The following MCTP1 variants were observed in gnomAD, a reference collection of about 807,000 sequenced individuals.
MCTP1 encodes multiple C2 and transmembrane domain containing 1.
Under a neutral mutation model 120.6 loss-of-function variants are expected in MCTP1, and 69 were observed. The observed-to-expected ratio is 0.57, with a 90% CI of 0.47 to 0.70. The LOEUF (loss-of-function observed/expected upper bound fraction) is 0.70. Ranked by LOEUF, MCTP1 falls within the 30% of genes least tolerant of loss-of-function variation. MCTP1 has a pLI of 0.00. For missense variants in MCTP1, 1,203 were observed against 1,248.8 expected, an observed-to-expected ratio of 0.96 and a Z score of 0.55; for synonymous variants, 529 against 493.1, an observed-to-expected ratio of 1.07 and a Z score of -0.96.
At chr5:94,895,769 T>C (rs1477245284) in intron 10 of MCTP1, among the ~76,000 whole-genome samples, 1 of 152,194 alleles carries the variant, frequency 6.6e-6, no homozygotes, top group Non-Finnish European at 1.5e-5. Context: ...AGTTCAAACA[T>C]CTCTTTAGCA....
At chr5:95,107,434 A>G (rs914694001) in intron 1 of MCTP1, among the ~76,000 whole-genome samples, 6 of 152,268 alleles carry the variant, frequency 3.9e-5, no homozygotes, top group African/African-American at 1.4e-4. Context: ...ATTATTCACC[A>G]TTTATAAATA....
chr5:94,998,828 A>C (rs1833102064), intron 2 of MCTP1, among the ~76,000 whole-genome samples: 1 of 152,210 alleles, frequency 6.6e-6, no homozygotes, highest in Non-Finnish European at 1.5e-5. Context: ...TCACTGAGTG[A>C]GTGCTTGACT....
At chr5:94,838,606 C>T (rs1250765586) in intron 17 of MCTP1, among the ~76,000 whole-genome samples, 1 of 152,160 alleles carries the variant, frequency 6.6e-6, no homozygotes, top group East Asian at 1.9e-4. Context: ...TCAGTACATA[C>T]CTTAAGTCTT....
chr5:94,782,853 A>G (rs1035741976), intron 18 of MCTP1, among the ~76,000 whole-genome samples: 3 of 152,176 alleles, frequency 2.0e-5, no homozygotes, highest in Non-Finnish European at 2.9e-5. Flanking sequence ...ACGAAAAATC[A>G]TGTAGTAGAA....
chr5:94,777,927 C>CGTGTGTGTGTGTGT (rs71615135), intron 19 of MCTP1, among the ~76,000 whole-genome samples: 2,211 of 148,916 alleles, frequency 0.015, 18 homozygotes, highest in African/African-American at 0.02. Context: ...AGAAAGTGTG[C>CGTGTGTGTGTGTGT]GTGTGTGTGT....
At chr5:95,082,181 T>G (rs1755023259) in intron 1 of MCTP1, among the ~76,000 whole-genome samples, 1 of 152,220 alleles carries the variant, frequency 6.6e-6, no homozygotes, top group Non-Finnish European at 1.5e-5. Context: ...ACAGAAATCC[T>G]TTCCTACGCT....
At chr5:94,715,363 C>CAAAAA (rs35567390) in intron 19 of MCTP1, among the ~76,000 whole-genome samples, 56 of 70,536 alleles carry the variant, frequency 7.9e-4, no homozygotes, top group African/African-American at 2.8e-3. Context: ...ATGAAAACTA[C>CAAAAA]AAAAAAAAAA....
intron 10 of MCTP1, 32 bp from the exon 11 acceptor site, chr5:94,894,867 CTTT>C (rs34628738): frequency 2.0e-3 from 2,000 of 985,938 alleles, no homozygotes; most frequent in South Asian, 5.4e-3. Context: ...CAGCAAGTGG[CTTT>C]TTTTTTTTTT....
intron 18 of MCTP1, 77 bp from the exon 19 acceptor site, chr5:94,779,240 A>G (rs1776086344): frequency 8.3e-7 from 1 of 1,210,540 alleles, no homozygotes; most frequent in South Asian, 1.2e-5. Flanking sequence ...ACCTTTTGGA[A>G]ATGAAAACTT....
intron 1 of MCTP1, among the ~76,000 whole-genome samples, chr5:95,108,443 C>T (rs115444433): frequency 6.6e-6 from 1 of 152,118 alleles, no homozygotes; most frequent in African/African-American, 2.4e-5. Flanking sequence ...TAATAACCAG[C>T]TTAATGTGTT....
At chr5:95,144,202 G>C (rs949650393) in intron 1 of MCTP1, among the ~76,000 whole-genome samples, 1 of 152,118 alleles carries the variant, frequency 6.6e-6, no homozygotes, top group Non-Finnish European at 1.5e-5. Context: ...CCGCTTGTAT[G>C]TCTTCTTTTG....
intron 17 of MCTP1, among the ~76,000 whole-genome samples, chr5:94,825,006 T>A (rs1053057480): frequency 6.6e-6 from 1 of 152,182 alleles, no homozygotes; most frequent in Non-Finnish European, 1.5e-5. Context: ...ATACACTGAT[T>A]GTTTTGAAGG....
intron 1 of MCTP1, among the ~76,000 whole-genome samples, chr5:95,072,195 A>G (rs1359815569): frequency 6.6e-6 from 1 of 151,994 alleles, no homozygotes; most frequent in African/African-American, 2.4e-5. Flanking sequence ...CCTCCTATCC[A>G]GAGAGTTTGA....
intron 19 of MCTP1, among the ~76,000 whole-genome samples, chr5:94,777,927 C>CATGTGTGTGT (rs1554095231): frequency 3.5e-4 from 52 of 148,962 alleles, no homozygotes; most frequent in African/African-American, 1.0e-3. Flanking sequence ...AGAAAGTGTG[C>CATGTGTGTGT]GTGTGTGTGT....
At chr5:95,156,816 A>G (rs983469962) in intron 1 of MCTP1, among the ~76,000 whole-genome samples, 10 of 152,238 alleles carry the variant, frequency 6.6e-5, no homozygotes, top group Non-Finnish European at 1.5e-5. Context: ...CTGATCAACT[A>G]AAGTCACAAA....
intron 19 of MCTP1, among the ~76,000 whole-genome samples, chr5:94,731,928 T>C (rs545707410): frequency 2.3e-4 from 35 of 152,334 alleles, no homozygotes; most frequent in African/African-American, 8.4e-4. Flanking sequence ...CATTTATTTA[T>C]TCTTTTACCT....
At chr5:95,190,981 A>G (rs1749765796) in intron 1 of MCTP1, among the ~76,000 whole-genome samples, 1 of 151,978 alleles carries the variant, frequency 6.6e-6, no homozygotes, top group African/African-American at 2.4e-5. Flanking sequence ...AGTCAGTCAA[A>G]CACAAAGAAA....
chr5:95,074,965 C>A (rs186390980), intron 1 of MCTP1, among the ~76,000 whole-genome samples: 99 of 152,280 alleles, frequency 6.5e-4, no homozygotes, highest in African/African-American at 2.3e-3. Context: ...TTGGCTCTGT[C>A]GGGAGCTGGC....
chr5:95,176,499 T>C, intron 1 of MCTP1, among the ~76,000 whole-genome samples: 1 of 152,200 alleles, frequency 6.6e-6, no homozygotes, highest in East Asian at 1.9e-4. Flanking sequence ...CACTCCAGCC[T>C]GGGCGACAAA....
Sources: allele counts gnomAD v4.1 joint callset (sites outside exome capture counted in the v4.1 genomes callset), GRCh38; gene constraint gnomAD v4.1.1; transcripts MANE v1.5; gene names NCBI Gene and HGNC (gene_info 2026-07-23, HGNC 2026-07-21).